ADAMTS5: variants seen among roughly 807,000 people sequenced by gnomAD.
ADAMTS5 encodes the protein A disintegrin and metalloproteinase with thrombospondin motifs 5.
A neutral mutation model predicts 81.4 loss-of-function variants in ADAMTS5; 54 were observed. The ratio of observed to expected loss-of-function variants is 0.66; its 90% CI spans 0.53 to 0.83. The LOEUF (loss-of-function observed/expected upper bound fraction) is 0.83. Ranked by LOEUF, ADAMTS5 falls within the 40% of genes least tolerant of loss-of-function variation. The probability of loss-of-function intolerance (pLI) is 0.00; values close to 1 mark genes in which losing one functional copy is unlikely to be tolerated. For synonymous variants in ADAMTS5, 532 were observed against 508.8 expected, an observed-to-expected ratio of 1.05 and a Z score of -0.61; for missense variants, 1,194 against 1,229.9, an observed-to-expected ratio of 0.97 and a Z score of 0.44.
intron 7 of ADAMTS5, among the ~76,000 whole-genome samples, chr21:26,927,840 C>T (rs2123167544): frequency 6.6e-6 from 1 of 151,710 alleles, no homozygotes; most frequent in African/African-American, 2.4e-5. Context: ...TGGGAGCGGT[C>T]ACGGTGGTGA....
rs1360402309 is a variant in ADAMTS5 at position 26,932,916 on chromosome 21, G to A, written c.1818C>T (p.Cys606=). The A allele has an allele frequency of 2.6e-5, 42 of 1,613,960 alleles. No individual in the cohort carries two copies. The highest frequency in any genetic ancestry group is 3.5e-5 in the Non-Finnish European group (41 of 1,180,020). The change falls in exon 5 of 8, where the codon TGC becomes TGT. Residue 606 remains cysteine, a synonymous_variant. Transcript: ENST00000284987. ...AGCGGTAGATGGCCCTCTTCCCTGT[G>A]CAGTAGCGTCCGTTGTTTCTGGGAG... ...NPAPRNNGRY[C]TGKRAIYRSC...
chr21:26,955,002 G>T, intron 1 of ADAMTS5, 131 bp from the exon 2 acceptor site: 6 of 1,141,518 alleles, frequency 5.3e-6, no homozygotes, highest in Non-Finnish European at 7.3e-6. Flanking sequence ...CTCTGGAAAC[G>T]TTCCAAAGGC....
In ADAMTS5 at chr21:26,966,492, T is replaced by C. The variant is rs1054213370; in HGVS notation, c.-101A>G. 3 of 1,205,382 alleles carry C rather than the reference T, an allele frequency of 2.5e-6. No homozygotes were observed. The highest frequency in any genetic ancestry group is 3.2e-6 in the Non-Finnish European group (3 of 929,024). The allele number at this position is 1,205,382 out of a possible 1,614,324, so 74.7% of individuals were successfully genotyped here. ...GCGGGGGATGGGGACACACACACAC[T>C]TGCTTGCAGGATTGAGTCAAGTGTC... On this transcript the variant is annotated 5_prime_UTR_variant, in exon 1 of 8. Transcript: ENST00000284987.
At chr21:26,930,485 T>C (rs570041262) in intron 6 of ADAMTS5, among the ~76,000 whole-genome samples, 2 of 152,328 alleles carry the variant, frequency 1.3e-5, no homozygotes, top group East Asian at 3.9e-4. Flanking sequence ...AATGACAAAT[T>C]TGAAAATCTA....
chr21:26,954,740 G>T lies in ADAMTS5; in HGVS notation c.1236C>A (p.Ile412=), dbSNP rs150750089. ...LHAAFTVAHE[I]GHLLGLSHDD... Reference sequence around the variant, plus strand: ...GGGAAAAGAAAAGGCGCTGCATACCGATTTCGTGAGCCACAGTGAAGGCTG... The same window carrying T: ...GGGAAAAGAAAAGGCGCTGCATACCTATTTCGTGAGCCACAGTGAAGGCTG... Residue 412 remains isoleucine (I), a splice_region_variant and synonymous_variant, in exon 2 of 8, where the codon ATC becomes ATA. Transcript: ENST00000284987. 6.2e-7 allele frequency: 1 copy of T among 1,613,766 alleles called. No individual in the cohort carries two copies. The highest frequency in any genetic ancestry group is 2.2e-5 in the East Asian group (1 of 44,862).
chr21:26,965,287 C>T lies in ADAMTS5; in HGVS notation c.1104+1G>A. ...GACCCCCGCATCCCGGCTGGACCTA[C>T]CTCCCGAGTAAACAGGATAGCTGCA... On this transcript the variant is annotated splice_donor_variant, in intron 1 of 7. Transcript: ENST00000284987. LOFTEE classifies it high-confidence loss of function. 1 of 1,605,960 alleles carries T rather than the reference C, an allele frequency of 6.2e-7. No individual in the cohort carries two copies. The highest frequency in any genetic ancestry group is 8.5e-7 in the Non-Finnish European group (1 of 1,173,886).
In ADAMTS5 at chr21:26,919,241, T is replaced by TC. The variant is rs1174105625; in HGVS notation, c.*4811dup. ...GTTTTTTATTTGTTTTTTTTTTTTT[T>TC]CCTACAAATCACAGTTTTCCTCACA... is the stretch of plus-strand genomic sequence containing the variant. On this transcript the variant is annotated 3_prime_UTR_variant, in exon 8 of 8. Coordinates refer to ENST00000284987, the MANE Select transcript of ADAMTS5 (RefSeq NM_007038.5). 1 of 150,368 alleles carries TC rather than the reference T, an allele frequency of 6.7e-6. No individual in the cohort carries two copies. The highest frequency in any genetic ancestry group is 2.5e-5 in the African/African-American group (1 of 40,678). The allele number at this position is 150,368 out of a possible 1,614,324, so 9.3% of individuals were successfully genotyped here.
intron 3 of ADAMTS5, among the ~76,000 whole-genome samples, chr21:26,935,161 CAG>C (rs1407179247): frequency 2.0e-5 from 3 of 152,090 alleles, no homozygotes; most frequent in Non-Finnish European, 2.9e-5. Context: ...CTTTGAGAAA[CAG>C]AGTTTGTCCT....
chr21:26,948,379 T>G (rs1197923638), intron 2 of ADAMTS5, among the ~76,000 whole-genome samples: 2 of 152,206 alleles, frequency 1.3e-5, no homozygotes, highest in Non-Finnish European at 1.5e-5. Flanking sequence ...CCTAAAAAAA[T>G]GTCACAAGAA....
At position 26,966,373 on chromosome 21, in the gene ADAMTS5, A is replaced by G; in HGVS notation, c.19T>C (p.Ser7Pro). ...AGGCGGAACGCGCACAGCAGCAGGG[A>G]CGCCCACCCGAGCAGCATAGTGCGC... Reference protein sequence around the residue: MLLGWASLLLCAFRLPL... With the variant: MLLGWAPLLLCAFRLPL... Residue 7 changes from serine (S) to proline (P), a missense_variant, in exon 1 of 8, where the codon TCC becomes CCC. Coordinates refer to ENST00000284987, the MANE Select transcript of ADAMTS5 (RefSeq NM_007038.5). 6.7e-7 allele frequency: 1 copy of G among 1,492,608 alleles called. No individual in the cohort carries two copies. Among genetic ancestry groups the G allele is most frequent in the Non-Finnish European group, 8.8e-7 (1 of 1,130,884 alleles). 92.5% of individuals were successfully genotyped at this position (1,492,608 alleles called of 1,614,324 possible). A position where few individuals can be genotyped will look rare whatever the true frequency, so the allele number is the denominator to read the frequency against.
intron 1 of ADAMTS5, among the ~76,000 whole-genome samples, chr21:26,960,030 C>G (rs1987499030): frequency 6.6e-6 from 1 of 152,182 alleles, no homozygotes; most frequent in Non-Finnish European, 1.5e-5. Context: ...CTGTACCTTC[C>G]TGCTCCATTC....
rs961915880 is a variant in ADAMTS5, at chr21:26,919,302, C to T, written c.*4751G>A. ...TTTAGGTCACTCTGATGTAGCAGTACCTTACAGGATGAGGGGCCACTGCTC... is the reference window on the plus strand; with the variant it reads ...TTTAGGTCACTCTGATGTAGCAGTATCTTACAGGATGAGGGGCCACTGCTC... On this transcript the variant is annotated 3_prime_UTR_variant, in exon 8 of 8. Coordinates refer to ENST00000284987, the MANE Select transcript of ADAMTS5 (RefSeq NM_007038.5). 6.6e-6 allele frequency: 1 copy of T among 150,892 alleles called. No individual in the cohort carries two copies. Among genetic ancestry groups the T allele is most frequent in the Non-Finnish European group, 1.5e-5 (1 of 67,730 alleles). The allele number at this position is 150,892 out of a possible 1,614,324, so 9.3% of individuals were successfully genotyped here.
chr21:26,925,174 TC>T lies in ADAMTS5; in HGVS notation c.2226-555del, dbSNP rs1986784215. Among the ~76,000 whole-genome samples, 2 of 152,168 alleles carry T rather than the reference TC, an allele frequency of 1.3e-5. 1 individual carries two copies. The highest frequency in any genetic ancestry group is 4.1e-4 in the South Asian group (2 of 4,832). On this transcript the variant is annotated intron_variant, in intron 7 of 7. Transcript: ENST00000284987. Reference sequence around the variant, plus strand: ...CACAGTCAAGAGCACTTTTGAAACTTCTCACATTGTTCCAATGTGCAGACTA... The same window carrying T: ...CACAGTCAAGAGCACTTTTGAAACTTTCACATTGTTCCAATGTGCAGACTA...
At chr21:26,952,333 TCTTA>T (rs1987335221) in intron 2 of ADAMTS5, among the ~76,000 whole-genome samples, 1 of 152,246 alleles carries the variant, frequency 6.6e-6, no homozygotes, top group Admixed American at 6.5e-5. Context: ...TGAGAAAAGT[TCTTA>T]CTGTGTGTGT....
At chr21:26,958,217 C>G (rs954084825) in intron 1 of ADAMTS5, among the ~76,000 whole-genome samples, 1 of 152,140 alleles carries the variant, frequency 6.6e-6, no homozygotes, top group Non-Finnish European at 1.5e-5. Context: ...CAAATGCTGA[C>G]ACAGGTAGAT....
In ADAMTS5 at chr21:26,924,753, A is replaced by T. The variant is rs560722345; in HGVS notation, c.2226-133T>A. On this transcript the variant is annotated intron_variant, in intron 7 of 7. Transcript: ENST00000284987. ...AGTCTTCTCTTAACACACAGTTTTA[A>T]TGGATTAGTTTAAAATTGGGTTTAA... is the stretch of plus-strand genomic sequence containing the variant. 468 of 746,172 alleles carry T rather than the reference A, an allele frequency of 6.3e-4. 1 individual carries two copies. The highest frequency in any genetic ancestry group is 8.7e-4 in the Non-Finnish European group (406 of 465,138). The allele number at this position is 746,172 out of a possible 1,614,324, so 46.2% of individuals were successfully genotyped here.
intron 1 of ADAMTS5, among the ~76,000 whole-genome samples, chr21:26,963,146 T>C (rs79938248): frequency 0.032 from 4,819 of 152,038 alleles, 133 homozygotes; most frequent in South Asian, 0.069. Context: ...TGTGAAATAT[T>C]TTCCATGTGT....
Position 26,934,508 on chromosome 21 carries a change from C to A in ADAMTS5, c.1647G>T (p.Leu549=). ...GTPCGKGRIC[L]QGKCVDKTKK... is the part of the protein sequence containing the mutation. Reference sequence around the variant, plus strand: ...TGGTTTTGTCCACACATTTGCCCTGCAGGCAGATTCTCCCCTTTCCACAAG... The same window carrying A: ...TGGTTTTGTCCACACATTTGCCCTGAAGGCAGATTCTCCCCTTTCCACAAG... Residue 549 remains leucine, a synonymous_variant, in exon 4 of 8, where the codon CTG becomes CTT. Coordinates refer to ENST00000284987, the MANE Select transcript of ADAMTS5 (RefSeq NM_007038.5). The A allele has an allele frequency of 2.5e-6, 4 of 1,614,236 alleles. No individual in the cohort carries two copies. The highest frequency in any genetic ancestry group is 2.5e-6 in the Non-Finnish European group (3 of 1,180,050).
chr21:26,965,251 A>G (rs1258835002), intron 1 of ADAMTS5, 37 bp downstream of exon 1: 1 of 1,574,254 alleles, frequency 6.4e-7, no homozygotes, highest in Non-Finnish European at 8.6e-7. Flanking sequence ...ACCTCCTGAT[A>G]TCAGCGCTGG....
Sources: allele counts gnomAD v4.1 joint callset (sites outside exome capture counted in the v4.1 genomes callset), GRCh38; gene constraint gnomAD v4.1.1; transcripts MANE v1.5; gene names NCBI Gene and HGNC (gene_info 2026-07-23, HGNC 2026-07-21).